TBL1X: variants seen among roughly 807,000 people sequenced by gnomAD.
TBL1X encodes transducin beta like 1 X-linked, also known as F-box-like/WD repeat-containing protein TBL1X.
A neutral mutation model predicts 50.7 loss-of-function variants in TBL1X; 10 were observed. That is an observed-to-expected ratio of 0.20 (90% CI 0.12 to 0.33). The LOEUF (loss-of-function observed/expected upper bound fraction) is 0.33, where lower values mean the gene tolerates loss of function less well. Ranked by LOEUF, TBL1X falls within the 10% of genes least tolerant of loss-of-function variation. The probability of loss-of-function intolerance (pLI) is 1.00; values close to 1 mark genes in which losing one functional copy is unlikely to be tolerated. For synonymous variants in TBL1X, 190 were observed against 214.7 expected (o/e 0.88, Z 1.01); for missense variants, 340 against 504.4 (o/e 0.67, Z 3.12).
At chrX:9,486,833 G>A (rs1482156068) in intron 1 of TBL1X, among the ~76,000 whole-genome samples, 1 of 111,521 alleles carries the variant, frequency 9.0e-6, no homozygotes, top group African/African-American at 3.3e-5. Flanking sequence ...TTCATTGACA[G>A]AGAGCAGCTT....
At chrX:9,494,794 A>G (rs1350310435) in intron 1 of TBL1X, among the ~76,000 whole-genome samples, 1 of 111,802 alleles carries the variant, frequency 8.9e-6, no homozygotes, top group Admixed American at 9.5e-5. Context: ...GATCACTCAC[A>G]TTACAAGAGA....
At chrX:9,564,268 T>C (rs1238950527) in intron 2 of TBL1X, among the ~76,000 whole-genome samples, 1 of 109,358 alleles carries the variant, frequency 9.1e-6, no homozygotes, top group Non-Finnish European at 1.9e-5. Flanking sequence ...GAAAATACTT[T>C]CACATGTCAC....
chrX:9,690,440 G>T (rs1030166526), intron 7 of TBL1X, among the ~76,000 whole-genome samples: 3 of 111,035 alleles, frequency 2.7e-5, no homozygotes, highest in African/African-American at 9.8e-5. Flanking sequence ...TCGTTCCTCT[G>T]GTTGTGTCTG....
intron 12 of TBL1X, among the ~76,000 whole-genome samples, chrX:9,703,529 C>T (rs1466260124): frequency 1.8e-5 from 2 of 111,589 alleles, no homozygotes; most frequent in Non-Finnish European, 3.8e-5. Context: ...CCCTGCAGTC[C>T]GTGGACGCCT....
chrX:9,673,941 C>T (rs1302115695), intron 5 of TBL1X, among the ~76,000 whole-genome samples: 1 of 112,012 alleles, frequency 8.9e-6, no homozygotes, highest in Non-Finnish European at 1.9e-5. Flanking sequence ...TGGTGCATGC[C>T]TGTAATCCCA....
At chrX:9,570,680 T>G (rs1353220563) in intron 2 of TBL1X, among the ~76,000 whole-genome samples, 3 of 1,691 alleles carry the variant, frequency 1.8e-3, no homozygotes, top group African/African-American at 5.7e-3. Flanking sequence ...TTCTTTTTGT[T>G]TTTTTTTTTT....
intron 2 of TBL1X, among the ~76,000 whole-genome samples, chrX:9,620,847 G>A (rs751311090): frequency 1.5e-4 from 17 of 112,030 alleles, no homozygotes; most frequent in African/African-American, 5.2e-4. Context: ...GCTGAGGGAC[G>A]GACTGTGATG....
chrX:9,651,010 CCTTTTTTTT>C (rs1169950858), intron 3 of TBL1X, among the ~76,000 whole-genome samples: 1,758 of 75,326 alleles, frequency 0.023, 94 homozygotes, highest in African/African-American at 0.083. Context: ...TAGCTGCCAG[CCTTTTTTTT>C]TTTTTTTTTT....
intron 2 of TBL1X, among the ~76,000 whole-genome samples, chrX:9,579,640 T>C (rs1198482801): frequency 8.9e-6 from 1 of 111,831 alleles, no homozygotes; most frequent in Non-Finnish European, 1.9e-5. Context: ...TCCGAGTCAA[T>C]GTCAGAAGTG....
rs759580532 is a variant in TBL1X, at chrX:9,488,748, A to C, written c.-200-13032A>C. Among the ~76,000 whole-genome samples the C allele has an allele frequency of 7.2e-5, 8 of 111,239 alleles. No individual in the cohort carries two copies. The East Asian group carries it at 1.1e-3, about 16-fold the overall frequency. On this transcript the variant is annotated intron_variant, in intron 1 of 17. Transcript: ENST00000645353. ...CTCCTCTGAAGCCTGCAAGATTCAT[A>C]GGCTTATGTAACGTTTGTGTTTTGT...
rs189342422 is a variant in TBL1X at position 9,715,076 on chromosome X, G to A, written c.1707+73G>A. ...TGATGCCTAAGTGAGCTTCCAGGGC[G>A]TGTGCAGCATTCGTGTCCTGAAGGG... is the stretch of plus-strand genomic sequence containing the variant. On this transcript the variant is annotated intron_variant, in intron 17 of 17. Transcript: ENST00000645353. 3.3e-4 allele frequency: 335 copies of A among 1,007,156 alleles called. 2 individuals carry two copies. In the African/African-American group the frequency reaches 5.5e-3, roughly 16 times the overall value. 83.0% of individuals were successfully genotyped at this position (1,007,156 alleles called of 1,213,427 possible).
chrX:9,591,798 A>G (rs1484110671), intron 2 of TBL1X, among the ~76,000 whole-genome samples: 1 of 111,931 alleles, frequency 8.9e-6, no homozygotes, highest in African/African-American at 3.2e-5. Flanking sequence ...GGCTAAGAGG[A>G]CAGCATGAAC....
chrX:9,716,172 TC>T (rs759517128), intron 17 of TBL1X, 47 bp from the exon 18 acceptor site: 1 of 1,201,336 alleles, frequency 8.3e-7, no homozygotes, highest in East Asian at 3.0e-5. Flanking sequence ...TCTAAAGGCA[TC>T]TTTGTATTGT....
intron 2 of TBL1X, among the ~76,000 whole-genome samples, chrX:9,570,498 G>T (rs1448495275): frequency 9.0e-6 from 1 of 111,115 alleles, no homozygotes; most frequent in African/African-American, 3.3e-5. Flanking sequence ...CCTTAAAACT[G>T]GCTCTAGATT....
chrX:9,525,263 C>T (rs2082126462), intron 2 of TBL1X, among the ~76,000 whole-genome samples: 1 of 111,993 alleles, frequency 8.9e-6, no homozygotes, highest in South Asian at 3.7e-4. Flanking sequence ...TTTTGTTCTC[C>T]TTCCAAATTC....
intron 1 of TBL1X, among the ~76,000 whole-genome samples, chrX:9,484,046 A>G (rs1431048289): frequency 1.8e-5 from 2 of 112,024 alleles, no homozygotes; most frequent in African/African-American, 6.5e-5. Context: ...GTTTACATAC[A>G]TTTTTTAGAG....
chrX:9,574,744 T>A (rs923834054), intron 2 of TBL1X, among the ~76,000 whole-genome samples: 1 of 111,566 alleles, frequency 9.0e-6, no homozygotes, highest in Non-Finnish European at 1.9e-5. Flanking sequence ...AGGGTGGAAC[T>A]GGCCTGTGCT....
At chrX:9,615,397 G>A (rs2082634261) in intron 2 of TBL1X, among the ~76,000 whole-genome samples, 1 of 111,919 alleles carries the variant, frequency 8.9e-6, no homozygotes, top group Non-Finnish European at 1.9e-5. Context: ...TAAAGGGGAA[G>A]AAGGAATAAC....
Position 9,709,896 on chromosome X carries a change from G to T in TBL1X, c.1439+136G>T. 3.4e-6 allele frequency: 3 copies of T among 879,397 alleles called. No homozygotes were observed. In the South Asian group the frequency reaches 7.6e-5, roughly 22 times the overall value. 72.5% of individuals were successfully genotyped at this position (879,397 alleles called of 1,213,427 possible). On this transcript the variant is annotated intron_variant, in intron 15 of 17. Transcript: ENST00000645353. The stretch of plus-strand genomic sequence containing the variant: ...CGGTAGCTCACTTTGAAGGGGCCAG[G>T]ATAGAATTACCGAGTAACACCTGCC...
Sources: gnomAD v4.1 joint callset for allele counts (sites outside exome capture counted in the v4.1 genomes callset) on GRCh38, gnomAD v4.1.1 for gene constraint, MANE v1.5 for transcripts, NCBI Gene and HGNC (gene_info 2026-07-23, HGNC 2026-07-21) for gene names.